Variants in SHISA6 observed in about 807,000 individuals in gnomAD.
SHISA6 encodes the protein protein shisa-6.
A neutral mutation model predicts 47.9 loss-of-function variants in SHISA6; 22 were observed. That is an observed-to-expected ratio of 0.46 (90% CI 0.33 to 0.66). The LOEUF is 0.66. SHISA6 is among the 30% of genes least tolerant of loss of function. The pLI, the probability that SHISA6 is intolerant of heterozygous loss-of-function variation, is 0.02. For missense variants in SHISA6, 680 were observed against 764.6 expected (o/e 0.89, Z 1.30); for synonymous variants, 388 against 337.8 (o/e 1.15, Z -1.63).
chr17:11,446,314 A>G (rs2142301471), intron 3 of SHISA6, among the ~76,000 whole-genome samples: 1 of 152,318 alleles, frequency 6.6e-6, no homozygotes. Flanking sequence ...ATCAAAATGC[A>G]TAGAACGAAG....
At chr17:11,272,350 G>A (rs946314590) in intron 2 of SHISA6, among the ~76,000 whole-genome samples, 7 of 152,098 alleles carry the variant, frequency 4.6e-5, no homozygotes, top group Non-Finnish European at 1.0e-4. Flanking sequence ...CTCCCGCGTG[G>A]CTCTCACTTC....
rs1257250208 is a variant in SHISA6 at position 11,562,581 on chromosome 17, G to C, written c.*4277G>C. 6.6e-6 allele frequency: 1 copy of C among 152,090 alleles called. No individual in the cohort carries two copies. The highest frequency in any genetic ancestry group is 1.5e-5 in the Non-Finnish European group (1 of 68,002). The allele number at this position is 152,090 out of a possible 1,614,324, so 9.4% of individuals were successfully genotyped here. On this transcript the variant is annotated 3_prime_UTR_variant, in exon 6 of 6. Coordinates refer to ENST00000441885, the MANE Select transcript of SHISA6 (RefSeq NM_207386.4). ...TTTTGGAAGGCAGCATACTCTAGGAGAAAAAAAGCATAGGGCTGAGGCTCT... is the reference window on the plus strand; with the variant it reads ...TTTTGGAAGGCAGCATACTCTAGGACAAAAAAAGCATAGGGCTGAGGCTCT...
intron 2 of SHISA6, among the ~76,000 whole-genome samples, chr17:11,281,598 T>A (rs2142161227): frequency 6.6e-6 from 1 of 152,338 alleles, no homozygotes; most frequent in Non-Finnish European, 1.5e-5. Context: ...ATAAAGCATA[T>A]TGGTCCATAG....
intron 3 of SHISA6, among the ~76,000 whole-genome samples, chr17:11,485,331 G>A (rs941418490): frequency 2.6e-5 from 4 of 152,096 alleles, no homozygotes; most frequent in African/African-American, 9.7e-5. Flanking sequence ...GGAATGGGGG[G>A]CGGTTCTCTC....
intron 3 of SHISA6, among the ~76,000 whole-genome samples, chr17:11,462,088 C>T (rs989781513): frequency 3.3e-5 from 5 of 152,116 alleles, no homozygotes; most frequent in African/African-American, 1.2e-4. Context: ...AAAAGATCAG[C>T]TGGATCATAA....
intron 2 of SHISA6, among the ~76,000 whole-genome samples, chr17:11,287,535 C>T (rs569883951): frequency 1.1e-4 from 17 of 149,330 alleles, no homozygotes; most frequent in East Asian, 8.1e-4. Flanking sequence ...ATTAGCAGAG[C>T]GGTGGTATGC....
intron 3 of SHISA6, among the ~76,000 whole-genome samples, chr17:11,534,619 G>A (rs2071769631): frequency 6.6e-6 from 1 of 152,176 alleles, no homozygotes; most frequent in Non-Finnish European, 1.5e-5. Flanking sequence ...AGAGTTCACA[G>A]TAAAGAAAGA....
rs910744733 is a variant in SHISA6 at position 11,563,372 on chromosome 17, C to T, written c.*5068C>T. 2.0e-5 allele frequency: 3 copies of T among 152,174 alleles called. No homozygotes were observed. The highest frequency in any genetic ancestry group is 2.1e-4 in the South Asian group (1 of 4,826). The allele number at this position is 152,174 out of a possible 1,614,324, so 9.4% of individuals were successfully genotyped here. A position where few individuals can be genotyped will look rare whatever the true frequency, so the allele number is the denominator to read the frequency against. ...CCATCCTAGTACCTTTGTAGCCCTT[C>T]GTCATGACACTACCGTCCTCCCGGT... On this transcript the variant is annotated 3_prime_UTR_variant, in exon 6 of 6. Transcript: ENST00000441885.
chr17:11,424,639 G>C (rs1914554171), intron 3 of SHISA6, among the ~76,000 whole-genome samples: 1 of 152,136 alleles, frequency 6.6e-6, no homozygotes, highest in Admixed American at 6.5e-5. Flanking sequence ...GTTATTGCTG[G>C]ATAGGATAGA....
At chr17:11,405,619 T>C (rs1373954091) in intron 3 of SHISA6, among the ~76,000 whole-genome samples, 1 of 151,980 alleles carries the variant, frequency 6.6e-6, no homozygotes, top group African/African-American at 2.4e-5. Context: ...CTGGCCAACA[T>C]GGTGAAACCC....
At chr17:11,424,755 G>C (rs1280046082) in intron 3 of SHISA6, among the ~76,000 whole-genome samples, 1 of 151,960 alleles carries the variant, frequency 6.6e-6, no homozygotes, top group Middle Eastern at 3.2e-3. Flanking sequence ...TGTAATCCCA[G>C]CACTTTGGGA....
intron 3 of SHISA6, among the ~76,000 whole-genome samples, chr17:11,468,194 C>T (rs1345740334): frequency 6.6e-5 from 10 of 151,382 alleles, no homozygotes; most frequent in Non-Finnish European, 1.5e-4. Flanking sequence ...CAACTTTCTC[C>T]TTGAAAACCA....
intron 3 of SHISA6, among the ~76,000 whole-genome samples, chr17:11,466,696 T>C (rs1915818063): frequency 6.6e-6 from 1 of 152,220 alleles, no homozygotes; most frequent in South Asian, 2.1e-4. Flanking sequence ...GGCACTTTTT[T>C]CTGAACTTTG....
intron 3 of SHISA6, among the ~76,000 whole-genome samples, chr17:11,527,883 T>C (rs2142368736): frequency 6.6e-6 from 1 of 152,302 alleles, no homozygotes; most frequent in South Asian, 2.1e-4. Context: ...TAGTCCCTAG[T>C]TTTTATTCAC....
chr17:11,545,784 A>C (rs543133586), intron 3 of SHISA6, among the ~76,000 whole-genome samples: 1 of 152,320 alleles, frequency 6.6e-6, no homozygotes, highest in African/African-American at 2.4e-5. Flanking sequence ...GTTGGCTGTC[A>C]ACTGAGACCT....
At chr17:11,320,631 C>G (rs889712671) in intron 2 of SHISA6, among the ~76,000 whole-genome samples, 2 of 149,572 alleles carry the variant, frequency 1.3e-5, no homozygotes, top group East Asian at 3.9e-4. Context: ...GCACTCCAGC[C>G]TGGGCAACAA....
chr17:11,456,873 T>C (rs547167464), intron 3 of SHISA6, among the ~76,000 whole-genome samples: 15 of 152,320 alleles, frequency 9.8e-5, no homozygotes, highest in African/African-American at 3.6e-4. Context: ...AATTCCACTG[T>C]GTACCCTGGC....
chr17:11,241,869 G>A lies in SHISA6; in HGVS notation c.447G>A (p.Val149=). 6.4e-7 allele frequency: 1 copy of A among 1,551,324 alleles called. No homozygotes were observed. Among genetic ancestry groups the A allele is most frequent in the Non-Finnish European group, 8.7e-7 (1 of 1,147,024 alleles). Residue 149 remains valine, a synonymous_variant, in exon 1 of 6, where the codon GTG becomes GTA. Coordinates refer to ENST00000441885, the MANE Select transcript of SHISA6 (RefSeq NM_207386.4). The surrounding 1 kb of genome is among the most constrained non-coding windows in gnomAD (Gnocchi z 5.5). ...QRQCTNYQSP[V]WVQTPSTKVV... ...AGTGCACCAACTACCAGAGCCCGGT[G>A]TGGGTACAGACGCCCAGCACCAAGG...
chr17:11,386,006 A>G (rs757051919), intron 3 of SHISA6, among the ~76,000 whole-genome samples: 12 of 152,116 alleles, frequency 7.9e-5, no homozygotes, highest in Non-Finnish European at 1.6e-4. Context: ...ACATCTACTC[A>G]GTGGATGCAA....
Sources: gnomAD v4.1 joint callset for allele counts (sites outside exome capture counted in the v4.1 genomes callset) on GRCh38, gnomAD v4.1.1 for gene constraint, Gnocchi (gnomAD v3.1) non-coding constraint, MANE v1.5 for transcripts, NCBI Gene and HGNC (gene_info 2026-07-23, HGNC 2026-07-21) for gene names.